The following USP38 variants were observed in gnomAD, a reference collection of about 807,000 sequenced individuals.
USP38 encodes the protein ubiquitin carboxyl-terminal hydrolase 38.
Under a neutral mutation model 94.3 loss-of-function variants are expected in USP38, and 49 were observed. That is an observed-to-expected ratio of 0.52 (90% CI 0.41 to 0.66). The LOEUF is 0.66. USP38 is among the 30% of genes least tolerant of loss of function. The pLI is 0.00. For missense variants in USP38, 1,128 were observed against 1,229.4 expected (o/e 0.92, Z 1.23); for synonymous variants, 468 against 463.6 (o/e 1.01, Z -0.12).
chr4:143,220,429 T>C lies in USP38; in HGVS notation c.3102T>C (p.Phe1034=). The C allele has an allele frequency of 6.2e-7, 1 of 1,612,952 alleles. No homozygotes were observed. Among genetic ancestry groups the C allele is most frequent in the Non-Finnish European group, 8.5e-7 (1 of 1,179,406 alleles). Reference sequence around the variant, plus strand: ...CTGGTGGAGGGGGTGGAGGAGGATTTAATACAGTTGGCAGACTCGTATTTT... The same window carrying C: ...CTGGTGGAGGGGGTGGAGGAGGATTCAATACAGTTGGCAGACTCGTATTTT... ...GPTGGGGGGG[F]NTVGRLVF is the part of the protein sequence containing the mutation. Residue 1034 remains phenylalanine (F), a synonymous_variant, in exon 10 of 10, where the codon TTT becomes TTC. Transcript: ENST00000307017.
intron 9 of USP38, among the ~76,000 whole-genome samples, chr4:143,217,858 G>A (rs1732224123): frequency 6.6e-6 from 1 of 152,120 alleles, no homozygotes. Context: ...AATGCAAATT[G>A]TGGATCTCGA....
In USP38 at chr4:143,185,506, G is replaced by C; in HGVS notation, c.56G>C (p.Arg19Pro). The C allele has an allele frequency of 1.2e-6, 2 of 1,610,890 alleles. No homozygotes were observed. Among genetic ancestry groups the C allele is most frequent in the Non-Finnish European group, 1.7e-6 (2 of 1,178,108 alleles). Residue 19 changes from arginine to proline, a missense_variant, in exon 1 of 10, where the codon CGG becomes CCG. Arg to Pro is a moderately radical substitution (Grantham distance 103). Transcript: ENST00000307017. ...TCCTCGCATCCCCTGCCCCTCAAGC[G>C]GGTGATTGTGCGGAAGGTGGTGGAA... Reference protein sequence around the residue: ...VSSSHPLPLKRVIVRKVVESA... With the variant: ...VSSSHPLPLKPVIVRKVVESA...
At chr4:143,206,716 T>G (rs535857667) in intron 6 of USP38, among the ~76,000 whole-genome samples, 1 of 152,220 alleles carries the variant, frequency 6.6e-6, no homozygotes, top group East Asian at 1.9e-4. Flanking sequence ...ACATTAATTC[T>G]GCTTATTATT....
In USP38 at chr4:143,186,089, A is replaced by G. The variant is rs968710352; in HGVS notation, c.639A>G (p.Leu213=). The G allele has an allele frequency of 9.9e-6, 16 of 1,614,030 alleles. No individual in the cohort carries two copies. Among genetic ancestry groups the G allele is most frequent in the Admixed American group, 5.0e-5 (3 of 60,006 alleles). ...QNIWKAEPAT[L]LPSLQEVFAS... The stretch of plus-strand genomic sequence containing the variant: ...TCTGGAAGGCCGAGCCTGCCACACT[A>G]CTGCCTTCCCTGCAAGAAGTTTTTG... Residue 213 remains leucine (L), a synonymous_variant, in exon 1 of 10, where the codon CTA becomes CTG. Coordinates refer to ENST00000307017, the MANE Select transcript of USP38 (RefSeq NM_032557.6).
In USP38 at chr4:143,206,181, C is replaced by G; in HGVS notation, c.1358C>G (p.Thr453Arg). 6.2e-7 allele frequency: 1 copy of G among 1,613,204 alleles called. No individual in the cohort carries two copies. Among genetic ancestry groups the G allele is most frequent in the Non-Finnish European group, 8.5e-7 (1 of 1,179,708 alleles). ...ACTGGTCTTATTAACCTAGGAAATA[C>G]ATGTTATATGAACAGTGTTATACAA... The part of the protein sequence containing the change: ...GKTGLINLGN[T>R]CYMNSVIQAL... Residue 453 changes from threonine (T) to arginine (R), a missense_variant, in exon 6 of 10, where the codon ACA (threonine) becomes AGA (arginine). Thr to Arg is a moderately conservative substitution (Grantham distance 71, BLOSUM62 -1). Transcript: ENST00000307017.
At chr4:143,205,919 G>A (rs1177320328) in intron 5 of USP38, 114 bp from the exon 6 acceptor site, 2 of 764,466 alleles carry the variant, frequency 2.6e-6, no homozygotes, top group Non-Finnish European at 3.8e-6. Flanking sequence ...CTAAGTGGGG[G>A]AAAAGAAAGT....
chr4:143,218,181 T>A (rs1349914136), intron 9 of USP38, among the ~76,000 whole-genome samples: 1 of 152,026 alleles, frequency 6.6e-6, no homozygotes, highest in Non-Finnish European at 1.5e-5. Flanking sequence ...TTTCATACAT[T>A]CAGAAGAGTA....
intron 5 of USP38, among the ~76,000 whole-genome samples, chr4:143,203,815 C>A (rs566940202): frequency 3.4e-4 from 51 of 152,128 alleles, no homozygotes; most frequent in African/African-American, 1.2e-3. Flanking sequence ...TTTATAATAG[C>A]TTTTTGGGAA....
At chr4:143,187,425 A>G (rs1731262407) in intron 1 of USP38, among the ~76,000 whole-genome samples, 1 of 152,192 alleles carries the variant, frequency 6.6e-6, no homozygotes, top group Non-Finnish European at 1.5e-5. Flanking sequence ...GTAATGATCA[A>G]TAAGTTTAAA....
intron 2 of USP38, 23 bp from the exon 3 acceptor site, chr4:143,195,693 G>A (rs777776263): frequency 1.3e-6 from 2 of 1,568,626 alleles, no homozygotes; most frequent in African/African-American, 1.4e-5. Context: ...AATAATGATT[G>A]TTTCATTTTC....
In USP38 at chr4:143,187,881, T is replaced by G. The variant is rs750647565; in HGVS notation, c.738T>G (p.Leu246=). Reference sequence around the variant, plus strand: ...CAAGCCTTGTGCAGCATATTCCTCTTCAGATGATTACAGTTCTCATCAGGA... The same window carrying G: ...CAAGCCTTGTGCAGCATATTCCTCTGCAGATGATTACAGTTCTCATCAGGA... ...ALASLVQHIP[L]QMITVLIRSL... Residue 246 remains leucine, a synonymous_variant, in exon 2 of 10, where the codon CTT becomes CTG. Transcript: ENST00000307017. 2 of 1,613,620 alleles carry G rather than the reference T, an allele frequency of 1.2e-6. No individual in the cohort carries two copies. The highest frequency in any genetic ancestry group is 2.7e-5 in the African/African-American group (2 of 74,884).
chr4:143,200,616 A>G (rs1731685935), intron 4 of USP38, among the ~76,000 whole-genome samples: 1 of 152,172 alleles, frequency 6.6e-6, no homozygotes, highest in Non-Finnish European at 1.5e-5. Context: ...ATGTTTCTGT[A>G]TCTAGAAAAC....
At chr4:143,199,599 C>T (rs1381325687) in intron 4 of USP38, among the ~76,000 whole-genome samples, 2 of 152,122 alleles carry the variant, frequency 1.3e-5, no homozygotes, top group African/African-American at 4.8e-5. Context: ...TATACTCCCA[C>T]CAAGTGTATA....
Position 143,214,514 on chromosome 4 carries a change from G to T in USP38, c.2538G>T (p.Val846=), listed in dbSNP as rs767474708. The T allele has an allele frequency of 1.9e-6, 3 of 1,613,274 alleles. No individual in the cohort carries two copies. The highest frequency in any genetic ancestry group is 1.7e-6 in the Non-Finnish European group (2 of 1,179,752). ...TGCCCTATCTATTAAGTTCCGTTGT[G>T]GTTCACTCTGGTATATCCTCTGAAA... ...KLVPYLLSSV[V]VHSGISSESG... Residue 846 remains valine, a synonymous_variant, in exon 9 of 10, where the codon GTG becomes GTT. Coordinates refer to ENST00000307017, the MANE Select transcript of USP38 (RefSeq NM_032557.6).
At chr4:143,198,922 C>G (rs1273478011) in intron 4 of USP38, among the ~76,000 whole-genome samples, 1 of 152,146 alleles carries the variant, frequency 6.6e-6, no homozygotes, top group African/African-American at 2.4e-5. Flanking sequence ...ACATCAATTA[C>G]TTGTCCTTGT....
chr4:143,186,186 T>C, intron 1 of USP38, 54 bp downstream of exon 1: 1 of 1,532,656 alleles, frequency 6.5e-7, no homozygotes, highest in Non-Finnish European at 8.9e-7. Context: ...TATGTCTCTC[T>C]TGCACACACA....
intron 8 of USP38, among the ~76,000 whole-genome samples, chr4:143,212,806 A>G (rs1732064293): frequency 6.6e-6 from 1 of 152,184 alleles, no homozygotes. Context: ...CTGTTAAGCC[A>G]GATACTTAAA....
rs1266349762 is a variant in USP38, at chr4:143,185,250, C to G, written c.-201C>G. On this transcript the variant is annotated 5_prime_UTR_variant, in exon 1 of 10. Coordinates refer to ENST00000307017, the MANE Select transcript of USP38 (RefSeq NM_032557.6). ...CGCAGGTGTCGGTTCTTAGGCTCTC[C>G]AGGCTCGCTAGCTCCCGCCCCGGCT... The G allele has an allele frequency of 1.3e-5, 8 of 627,612 alleles. No individual in the cohort carries two copies. The African/African-American group carries it at 1.5e-4, about 12-fold the overall frequency. 38.9% of individuals were successfully genotyped at this position (627,612 alleles called of 1,614,324 possible). A position where few individuals can be genotyped will look rare whatever the true frequency, so the allele number is the denominator to read the frequency against.
At chr4:143,196,425 A>C (rs1327690801) in intron 3 of USP38, among the ~76,000 whole-genome samples, 1 of 152,188 alleles carries the variant, frequency 6.6e-6, no homozygotes, top group East Asian at 1.9e-4. Context: ...ACTCTACCAA[A>C]ATTACCAGTG....
Sources: allele counts gnomAD v4.1 joint callset (sites outside exome capture counted in the v4.1 genomes callset), GRCh38; gene constraint gnomAD v4.1.1; transcripts MANE v1.5; gene names NCBI Gene and HGNC (gene_info 2026-07-23, HGNC 2026-07-21).